DNM3: variants seen among roughly 807,000 people sequenced by gnomAD.
DNM3 encodes dynamin 3.
Under a neutral mutation model 101.6 loss-of-function variants are expected in DNM3, and 47 were observed. That is an observed-to-expected ratio of 0.46 (90% CI 0.37 to 0.59). The LOEUF (loss-of-function observed/expected upper bound fraction) is 0.59, where lower values mean the gene tolerates loss of function less well. Ranked by LOEUF, DNM3 falls within the 20% of genes least tolerant of loss-of-function variation. DNM3 has a pLI of 0.00. For synonymous variants in DNM3, 385 were observed against 387.9 expected (o/e 0.99, Z 0.09); for missense variants, 849 against 1,085.7 (o/e 0.78, Z 3.06).
chr1:172,221,507 A>C (rs575789799), intron 14 of DNM3, among the ~76,000 whole-genome samples: 1 of 152,272 alleles, frequency 6.6e-6, no homozygotes, highest in East Asian at 1.9e-4. Flanking sequence ...AAGAGATGGG[A>C]GAGATGGTTC....
chr1:171,957,562 C>T (rs1043303464), intron 2 of DNM3, among the ~76,000 whole-genome samples: 1 of 152,100 alleles, frequency 6.6e-6, no homozygotes, highest in African/African-American at 2.4e-5. Flanking sequence ...GCTCTGTTTC[C>T]CTTTTAAAAC....
At chr1:172,117,653 G>A (rs1387351677) in intron 13 of DNM3, among the ~76,000 whole-genome samples, 3 of 152,154 alleles carry the variant, frequency 2.0e-5, no homozygotes, top group African/African-American at 7.2e-5. Context: ...TTTATCAGCA[G>A]TGTGAAAATG....
intron 13 of DNM3, among the ~76,000 whole-genome samples, chr1:172,109,685 C>T (rs1371327789): frequency 1.3e-5 from 2 of 152,208 alleles, no homozygotes; most frequent in Non-Finnish European, 2.9e-5. Flanking sequence ...AATAGCTGCT[C>T]TGGATGACTG....
intron 1 of DNM3, among the ~76,000 whole-genome samples, chr1:171,858,742 G>T (rs550114265): frequency 6.6e-6 from 1 of 152,194 alleles, no homozygotes; most frequent in East Asian, 1.9e-4. Context: ...CATTATTTCT[G>T]CAGCTGAGGA....
chr1:172,101,559 T>C (rs1558570386), intron 13 of DNM3, among the ~76,000 whole-genome samples: 1 of 152,198 alleles, frequency 6.6e-6, no homozygotes, highest in African/African-American at 2.4e-5. Flanking sequence ...TTAGGTATGG[T>C]GTTGGGTGTT....
chr1:172,402,882 C>G (rs1430558632), intron 20 of DNM3, among the ~76,000 whole-genome samples: 1 of 152,174 alleles, frequency 6.6e-6, no homozygotes, highest in Non-Finnish European at 1.5e-5. Context: ...TTTACTTTAT[C>G]TGGCAAGTAA....
rs1573793876 is a variant in DNM3, at chr1:172,411,214, A to G, written c.*3373A>G. ...ATAGCTTTGAATGATCTGCCATAAC[A>G]TGTGGTAACAATAGTTCATTTCTCA... On this transcript the variant is annotated 3_prime_UTR_variant, in exon 21 of 21. Coordinates refer to ENST00000627582, the MANE Select transcript of DNM3 (RefSeq NM_015569.5). 1 of 985,234 alleles carries G rather than the reference A, an allele frequency of 1.0e-6. No homozygotes were observed. The allele number at this position is 985,234 out of a possible 1,614,324, so 61.0% of individuals were successfully genotyped here.
At chr1:171,900,319 G>T (rs554927152) in intron 1 of DNM3, among the ~76,000 whole-genome samples, 16 of 152,176 alleles carry the variant, frequency 1.1e-4, no homozygotes, top group African/African-American at 3.9e-4. Flanking sequence ...GCAGATTCAC[G>T]GGTGGTAGCC....
intron 17 of DNM3, among the ~76,000 whole-genome samples, chr1:172,343,324 A>C (rs185534725): frequency 8.5e-4 from 130 of 152,178 alleles, no homozygotes; most frequent in Admixed American, 2.2e-3. Flanking sequence ...AAAATTCCAA[A>C]AGCTTTTACT....
At chr1:172,045,633 T>C (rs1293883541) in intron 9 of DNM3, among the ~76,000 whole-genome samples, 2 of 152,186 alleles carry the variant, frequency 1.3e-5, no homozygotes, top group Non-Finnish European at 2.9e-5. Flanking sequence ...TAAGAACAAA[T>C]GATTTTAAAG....
intron 11 of DNM3, 43 bp downstream of exon 11, chr1:172,068,948 G>A (rs2051929233): frequency 2.6e-6 from 4 of 1,528,346 alleles, no homozygotes; most frequent in Non-Finnish European, 3.6e-6. Context: ...ATTGTGGGAG[G>A]TCGAAGGTCT....
intron 14 of DNM3, among the ~76,000 whole-genome samples, chr1:172,142,769 A>G (rs2057656423): frequency 6.6e-6 from 1 of 151,586 alleles, no homozygotes; most frequent in Admixed American, 6.6e-5. Context: ...AAATTTGAGA[A>G]AAACATTACC....
chr1:172,056,898 G>C (rs1433964469), intron 10 of DNM3, among the ~76,000 whole-genome samples: 1 of 152,082 alleles, frequency 6.6e-6, no homozygotes, highest in African/African-American at 2.4e-5. Context: ...ATTACTCTGA[G>C]CTACGGGAGG....
chr1:172,254,541 G>C (rs570583681), intron 15 of DNM3, among the ~76,000 whole-genome samples: 1 of 152,118 alleles, frequency 6.6e-6, no homozygotes. Context: ...ATAAGAAAGC[G>C]TAGGCTCAGG....
chr1:172,210,385 GA>G (rs2060474696), intron 14 of DNM3, among the ~76,000 whole-genome samples: 1 of 130,554 alleles, frequency 7.7e-6, no homozygotes, highest in African/African-American at 2.8e-5. Context: ...AGTAAGGTGA[GA>G]AAAATGACAT....
intron 2 of DNM3, among the ~76,000 whole-genome samples, chr1:171,961,798 G>A (rs889457170): frequency 2.0e-5 from 3 of 152,152 alleles, no homozygotes; most frequent in African/African-American, 4.8e-5. Flanking sequence ...GACATTTGCT[G>A]CAACAGGATG....
intron 1 of DNM3, among the ~76,000 whole-genome samples, chr1:171,845,844 A>G (rs1212507058): frequency 6.6e-6 from 1 of 152,220 alleles, no homozygotes; most frequent in Admixed American, 6.5e-5. Context: ...TTAAAATGAC[A>G]CGCTTGTTAG....
intron 18 of DNM3, chr1:172,380,683 A>G (rs539195562): frequency 7.2e-5 from 11 of 152,276 alleles, no homozygotes; most frequent in African/African-American, 2.6e-4. Context: ...AAAAGTGGCT[A>G]TAAGCCATTT....
chr1:171,918,093 C>T (rs1025693500), intron 1 of DNM3, among the ~76,000 whole-genome samples: 2 of 152,186 alleles, frequency 1.3e-5, no homozygotes, highest in Non-Finnish European at 2.9e-5. Context: ...TCTGTGGCTC[C>T]TATCTCCAAA....
Sources: gnomAD v4.1 joint callset for allele counts (sites outside exome capture counted in the v4.1 genomes callset) on GRCh38, gnomAD v4.1.1 for gene constraint, MANE v1.5 for transcripts, NCBI Gene and HGNC (gene_info 2026-07-23, HGNC 2026-07-21) for gene names.